SGMS1: variants seen among roughly 807,000 people sequenced by gnomAD.
The protein encoded by SGMS1 is sphingomyelin synthase 1, also known as phosphatidylcholine:ceramide cholinephosphotransferase 1.
SGMS1 carries 13 observed loss-of-function variants against 46.2 expected under a neutral mutation model. That is an observed-to-expected ratio of 0.28 (90% CI 0.18 to 0.45). The LOEUF is 0.45. SGMS1 is among the 20% of genes least tolerant of loss of function. The pLI is 1.00. For missense variants in SGMS1, 324 were observed against 519.9 expected (o/e 0.62, Z 3.66); for synonymous variants, 203 against 187.8 (o/e 1.08, Z -0.66).
intron 5 of SGMS1, among the ~76,000 whole-genome samples, chr10:50,454,695 A>G (rs965699151): frequency 2.6e-5 from 4 of 152,216 alleles, no homozygotes; most frequent in Admixed American, 2.6e-4. Context: ...TACTTAAACT[A>G]CCTAAGAAAT....
chr10:50,504,543 C>T lies in SGMS1; in HGVS notation c.-498+15288G>A, dbSNP rs1473687085. 2.0e-5 allele frequency among the ~76,000 whole-genome samples: 3 copies of T among 152,206 alleles called. 1 individual carries two copies. The highest frequency in any genetic ancestry group is 6.8e-3 in the Middle Eastern group (2 of 294). Reference sequence around the variant, plus strand: ...AGTTAAGTAATTGTGCAAGCTCATACAGGTAGTAAGTGACAAAAGGCAATT... The same window carrying T: ...AGTTAAGTAATTGTGCAAGCTCATATAGGTAGTAAGTGACAAAAGGCAATT... On this transcript the variant is annotated intron_variant, in intron 3 of 10. Coordinates refer to ENST00000361781, the MANE Select transcript of SGMS1 (RefSeq NM_147156.4).
chr10:50,587,633 A>ATATATGTGTG lies in SGMS1; in HGVS notation c.-589+2519_-589+2520insCACACATATA, dbSNP rs760688384. On this transcript the variant is annotated intron_variant, in intron 2 of 10. Transcript: ENST00000361781. ...AGCAAGACTGCATCTCAAAATATAT[A>ATATATGTGTG]TGTGTGTGTGTGTGTGTGTGTGTGT... Among the ~76,000 whole-genome samples the ATATATGTGTG allele has an allele frequency of 4.3e-5, 6 of 138,172 alleles. 1 individual carries two copies. The highest frequency in any genetic ancestry group is 4.3e-4 in the East Asian group (2 of 4,628). 90.6% of individuals were successfully genotyped at this position (138,172 alleles called of 152,430 possible).
At chr10:50,393,242 C>T (rs1401380230) in intron 6 of SGMS1, among the ~76,000 whole-genome samples, 4 of 152,132 alleles carry the variant, frequency 2.6e-5, no homozygotes, top group African/African-American at 9.7e-5. Context: ...ATATTACCCA[C>T]GTTACACTCT....
intron 1 of SGMS1, among the ~76,000 whole-genome samples, chr10:50,613,789 T>C (rs1287340268): frequency 6.6e-6 from 1 of 152,258 alleles, no homozygotes; most frequent in African/African-American, 2.4e-5. Flanking sequence ...TGTAACATTC[T>C]TTCAAATAGG....
chr10:50,520,139 C>G (rs190644008), intron 2 of SGMS1, among the ~76,000 whole-genome samples: 1 of 152,324 alleles, frequency 6.6e-6, no homozygotes, highest in East Asian at 1.9e-4. Flanking sequence ...CCTGTAATCT[C>G]AGCACTTTGG....
At chr10:50,372,538 T>G (rs1848454592) in intron 6 of SGMS1, among the ~76,000 whole-genome samples, 1 of 151,794 alleles carries the variant, frequency 6.6e-6, no homozygotes, top group Admixed American at 6.6e-5. Flanking sequence ...ACGAAAAATA[T>G]AAAAAATTAG....
chr10:50,561,569 C>A (rs1303691927), intron 2 of SGMS1, among the ~76,000 whole-genome samples: 3 of 152,210 alleles, frequency 2.0e-5, no homozygotes, highest in Non-Finnish European at 4.4e-5. Flanking sequence ...AGTAACAAAT[C>A]CTTAATCTTT....
intron 3 of SGMS1, among the ~76,000 whole-genome samples, chr10:50,518,217 G>A (rs1837826155): frequency 1.3e-5 from 2 of 152,258 alleles, no homozygotes; most frequent in South Asian, 4.2e-4. Context: ...ATTCCAGAAG[G>A]GGATTAGAAT....
intron 6 of SGMS1, among the ~76,000 whole-genome samples, chr10:50,402,465 T>C (rs1331423856): frequency 6.6e-6 from 1 of 152,176 alleles, no homozygotes; most frequent in Non-Finnish European, 1.5e-5. Context: ...AAATTAAGAT[T>C]TATTGACATT....
intron 1 of SGMS1, among the ~76,000 whole-genome samples, chr10:50,610,711 G>C (rs984276656): frequency 6.6e-6 from 1 of 152,186 alleles, no homozygotes; most frequent in Non-Finnish European, 1.5e-5. Context: ...GTGAACAGGT[G>C]GCAGAGACAT....
intron 2 of SGMS1, among the ~76,000 whole-genome samples, chr10:50,587,454 G>A (rs937774093): frequency 1.3e-5 from 2 of 152,166 alleles, no homozygotes; most frequent in Non-Finnish European, 2.9e-5. Flanking sequence ...CCAATATGGT[G>A]AAACCGTGTC....
At chr10:50,410,048 A>T (rs1013863030) in intron 6 of SGMS1, among the ~76,000 whole-genome samples, 5 of 152,194 alleles carry the variant, frequency 3.3e-5, no homozygotes, top group African/African-American at 1.2e-4. Flanking sequence ...GAATTATAGG[A>T]CACACTAACT....
intron 6 of SGMS1, among the ~76,000 whole-genome samples, chr10:50,382,675 G>C (rs1427609931): frequency 1.3e-5 from 2 of 151,108 alleles, no homozygotes; most frequent in East Asian, 3.9e-4. Context: ...ATGGAGAGGA[G>C]GGACCCAGCG....
chr10:50,352,254 T>C (rs1019614687), intron 6 of SGMS1, among the ~76,000 whole-genome samples: 4 of 152,024 alleles, frequency 2.6e-5, no homozygotes, highest in Admixed American at 2.0e-4. Flanking sequence ...AGCCCAGCTA[T>C]ACAGGGTGAG....
At chr10:50,317,315 A>T (rs2133289233) in intron 8 of SGMS1, among the ~76,000 whole-genome samples, 1 of 152,364 alleles carries the variant, frequency 6.6e-6, no homozygotes, top group Admixed American at 6.5e-5. Context: ...AGTTTTACAA[A>T]ATAAAACAAT....
intron 6 of SGMS1, among the ~76,000 whole-genome samples, chr10:50,373,205 TGA>T (rs1848469138): frequency 6.6e-6 from 1 of 152,244 alleles, no homozygotes; most frequent in Admixed American, 6.5e-5. Context: ...CCTTTACAGA[TGA>T]GTTGTTCATT....
chr10:50,486,171 A>G (rs749340260), intron 3 of SGMS1, among the ~76,000 whole-genome samples: 1 of 152,224 alleles, frequency 6.6e-6, no homozygotes, highest in Non-Finnish European at 1.5e-5. Flanking sequence ...AAACTAACTC[A>G]AGATGGATTA....
In SGMS1 at chr10:50,616,509, G is replaced by C. The variant is rs149101234; in HGVS notation, c.-684+7198C>G. 2.9e-3 allele frequency among the ~76,000 whole-genome samples: 444 copies of C among 152,252 alleles called. 2 individuals carry two copies. The highest frequency in any genetic ancestry group is 0.01 in the African/African-American group (421 of 41,544). ...AACCTAAGCAACAACTCTGTTTCAA[G>C]ATCTGTATTCCAAGCATCTCCTACA... On this transcript the variant is annotated intron_variant, in intron 1 of 10. Transcript: ENST00000361781.
intron 3 of SGMS1, among the ~76,000 whole-genome samples, chr10:50,513,395 A>T (rs1489429638): frequency 6.6e-6 from 1 of 152,148 alleles, no homozygotes; most frequent in Non-Finnish European, 1.5e-5. Context: ...GCTCCCAAAC[A>T]AGTGCCCCTT....
Sources: allele counts gnomAD v4.1 joint callset (sites outside exome capture counted in the v4.1 genomes callset), GRCh38; gene constraint gnomAD v4.1.1; transcripts MANE v1.5; gene names NCBI Gene and HGNC (gene_info 2026-07-23, HGNC 2026-07-21).